Variants in CDC42BPB observed in about 807,000 individuals in gnomAD.
CDC42BPB encodes the protein CDC42 binding protein kinase beta, also known as serine/threonine-protein kinase MRCK beta.
In CDC42BPB, 37 loss-of-function variants were observed where a neutral mutation model predicts 214.9. The ratio of observed to expected loss-of-function variants is 0.17; its 90% CI spans 0.13 to 0.23. The LOEUF is 0.23. Ranked by LOEUF, CDC42BPB falls within the 10% of genes least tolerant of loss-of-function variation. CDC42BPB has a pLI of 1.00. For missense variants in CDC42BPB, 1,694 were observed against 2,227.0 expected, an observed-to-expected ratio of 0.76 and a Z score of 4.82; for synonymous variants, 931 against 884.0, an observed-to-expected ratio of 1.05 and a Z score of -0.94.
chr14:102,981,596 C>T (rs2139518587), intron 7 of CDC42BPB, among the ~76,000 whole-genome samples: 2 of 152,310 alleles, frequency 1.3e-5, no homozygotes, highest in East Asian at 3.9e-4. Context: ...GCCTGACCAA[C>T]AAGGTGAAAC....
intron 1 of CDC42BPB, among the ~76,000 whole-genome samples, chr14:103,025,672 G>A (rs960873940): frequency 6.6e-6 from 1 of 151,960 alleles, no homozygotes; most frequent in African/African-American, 2.4e-5. Flanking sequence ...ACAAAAATTA[G>A]CCAGGCGTGG....
Position 102,945,647 on chromosome 14 carries a change from G to A in CDC42BPB, c.3811+15C>T, listed in dbSNP as rs759299375. 43 of 1,610,988 alleles carry A rather than the reference G, an allele frequency of 2.7e-5. No homozygotes were observed. Among genetic ancestry groups the A allele is most frequent in the Admixed American group, 2.0e-4 (12 of 59,992 alleles). On this transcript the variant is annotated intron_variant, in intron 29 of 36. Transcript: ENST00000361246. Reference sequence around the variant, plus strand: ...GCCTGTGACATCCCAGGCTGGAAACGCCCTGCTCACTCACCATCTCGGGTG... The same window carrying A: ...GCCTGTGACATCCCAGGCTGGAAACACCCTGCTCACTCACCATCTCGGGTG...
rs562551309 is a variant in CDC42BPB, at chr14:102,933,761, C to T, written c.5087G>A (p.Arg1696Lys). The T allele has an allele frequency of 3.9e-5, 58 of 1,498,892 alleles. 1 individual carries two copies. In the South Asian group the frequency reaches 5.3e-4, roughly 14 times the overall value. The allele number at this position is 1,498,892 out of a possible 1,614,324, so 92.8% of individuals were successfully genotyped here. ...SGPPSPNSPH[R>K]SQLPLEGLEQ... ...CAGGCCTTCGAGGGGGAGCTGGCTCCTGTGGGGGGAGTTGGGGCTCGGTGG... is the reference window on the plus strand; with the variant it reads ...CAGGCCTTCGAGGGGGAGCTGGCTCTTGTGGGGGGAGTTGGGGCTCGGTGG... Residue 1696 changes from arginine (R) to lysine (K), a missense_variant, in exon 37 of 37, where the codon AGG becomes AAG. Physicochemically the swap from Arg to Lys is conservative, Grantham distance 26. Around this residue, in one of 7 missense-constraint regions of CDC42BPB, gnomAD observed 146 missense variants for 134.1 expected, o/e 1.09. Coordinates refer to ENST00000361246, the MANE Select transcript of CDC42BPB (RefSeq NM_006035.4).
chr14:102,937,379 C>T (rs1891687480), intron 36 of CDC42BPB, among the ~76,000 whole-genome samples: 1 of 152,254 alleles, frequency 6.6e-6, no homozygotes, highest in Non-Finnish European at 1.5e-5. Context: ...AGACGCTGAC[C>T]TTGGCAGAAC....
At chr14:102,955,948 C>T (rs773342849) in intron 21 of CDC42BPB, among the ~76,000 whole-genome samples, 7 of 152,226 alleles carry the variant, frequency 4.6e-5, no homozygotes, top group Non-Finnish European at 1.0e-4. Flanking sequence ...ATAAAACACA[C>T]ACACAACTGT....
In CDC42BPB at chr14:103,004,026, G is replaced by A. The variant is rs890982754; in HGVS notation, c.352-3C>T. ...CGCTCCTCTCGGAAGCACGCGGTCTGCAAAGCAACGAGGGGTGTCAGTCTG... is the reference window on the plus strand; with the variant it reads ...CGCTCCTCTCGGAAGCACGCGGTCTACAAAGCAACGAGGGGTGTCAGTCTG... On this transcript the variant is annotated splice_region_variant and splice_polypyrimidine_tract_variant and intron_variant, in intron 3 of 36. Coordinates refer to ENST00000361246, the MANE Select transcript of CDC42BPB (RefSeq NM_006035.4). This position sits in a 1 kb window ranked among gnomAD's most constrained non-coding sequence, Gnocchi z 5.3. 9.4e-6 allele frequency: 15 copies of A among 1,596,028 alleles called. No individual in the cohort carries two copies. Among genetic ancestry groups the A allele is most frequent in the African/African-American group, 1.3e-5 (1 of 74,766 alleles).
rs889223871 is a variant in CDC42BPB, at chr14:102,943,907, C to T, written c.4392G>A (p.Ala1464=). The T allele has an allele frequency of 5.6e-6, 9 of 1,608,988 alleles. No individual in the cohort carries two copies. Among genetic ancestry groups the T allele is most frequent in the South Asian group, 3.3e-5 (3 of 90,896 alleles). The part of the protein sequence containing the change: ...RARAQELMWP[A]APVACSCSPT... ...TATACATACTACAGGCGACAGGAGC[C>T]GCAGGCCACATGAGCTCCTGCGCGC... The change falls in exon 30 of 37, where the codon GCG becomes GCA. Residue 1464 remains alanine (A), a synonymous_variant. Transcript: ENST00000361246. This position sits in a 1 kb window ranked among gnomAD's most constrained non-coding sequence, Gnocchi z 4.6.
In CDC42BPB at chr14:102,943,947, T is replaced by C. The variant is rs1477118006; in HGVS notation, c.4352A>G (p.Gln1451Arg). 3 of 1,612,796 alleles carry C rather than the reference T, an allele frequency of 1.9e-6. No homozygotes were observed. The highest frequency in any genetic ancestry group is 1.7e-5 in the Admixed American group (1 of 60,024). ...CTCCTGCGCGCGTGCCCTCCGGCCT[T>C]GCGGGTCCACGTACAGTCCCATGTG... ...FSHMGLYVDP[Q>R]GRRARAQELM... Residue 1451 changes from glutamine to arginine, a missense_variant, in exon 30 of 37, where the codon CAA (glutamine) becomes CGA (arginine). By Grantham distance (43) the Gln-to-Arg change is conservative (BLOSUM62 1). Around this residue, in one of 7 missense-constraint regions of CDC42BPB, gnomAD observed 567 missense variants for 790.3 expected, o/e 0.72. Transcript: ENST00000361246. The surrounding 1 kb of genome is among the most constrained non-coding windows in gnomAD (Gnocchi z 4.6).
intron 11 of CDC42BPB, among the ~76,000 whole-genome samples, chr14:102,974,995 C>T (rs571183805): frequency 6.6e-6 from 1 of 152,204 alleles, no homozygotes; most frequent in East Asian, 1.9e-4. Flanking sequence ...TTTTAGGGAA[C>T]TTTGATAACC....
At chr14:103,035,036 G>C (rs984454396) in intron 1 of CDC42BPB, among the ~76,000 whole-genome samples, 30 of 151,664 alleles carry the variant, frequency 2.0e-4, no homozygotes, top group African/African-American at 7.3e-4. Context: ...CATTCAATAG[G>C]GGCAACTAGC....
intron 5 of CDC42BPB, 95 bp from the exon 6 acceptor site, chr14:102,986,675 T>C: frequency 1.3e-6 from 2 of 1,505,542 alleles, no homozygotes; most frequent in Non-Finnish European, 1.8e-6. Context: ...GAATAAATGC[T>C]AATATCCTCT....
intron 34 of CDC42BPB, among the ~76,000 whole-genome samples, chr14:102,939,094 A>G (rs1433359826): frequency 2.0e-5 from 3 of 151,562 alleles, no homozygotes; most frequent in African/African-American, 7.3e-5. Flanking sequence ...CTGCCGCCAC[A>G]CCCAGCTAAT....
intron 1 of CDC42BPB, among the ~76,000 whole-genome samples, chr14:103,042,535 C>G (rs1227659409): frequency 1.3e-5 from 2 of 152,190 alleles, no homozygotes; most frequent in African/African-American, 4.8e-5. Context: ...TGGTCTCCAT[C>G]TCCTGACCTC....
Position 103,001,171 on chromosome 14 carries a change from C to T in CDC42BPB, c.448-1458G>A, listed in dbSNP as rs1261280775. On this transcript the variant is annotated intron_variant, in intron 4 of 36. Transcript: ENST00000361246. The surrounding 1 kb of genome is among the most constrained non-coding windows in gnomAD (Gnocchi z 5.8). Reference sequence around the variant, plus strand: ...CCTCCCTGCCACCGCCAAGGGCAGCCCCAGCCTCCCCGCCCTGGCTCAGGC... The same window carrying T: ...CCTCCCTGCCACCGCCAAGGGCAGCTCCAGCCTCCCCGCCCTGGCTCAGGC... Among the ~76,000 whole-genome samples the T allele has an allele frequency of 6.6e-6, 1 of 152,146 alleles. No homozygotes were observed. The highest frequency in any genetic ancestry group is 1.9e-4 in the East Asian group (1 of 5,200).
chr14:103,056,789 G>A lies in CDC42BPB; in HGVS notation c.175+210C>T, dbSNP rs35203025. On this transcript the variant is annotated intron_variant, in intron 1 of 36. Coordinates refer to ENST00000361246, the MANE Select transcript of CDC42BPB (RefSeq NM_006035.4). The stretch of plus-strand genomic sequence containing the variant: ...GAGGGCAAGGAGGGATGAAAAGCTA[G>A]CGGAGGGACGAGGGTGCAAGGAGCG... Among the ~76,000 whole-genome samples the A allele has an allele frequency of 7.2e-5, 11 of 152,214 alleles. No individual in the cohort carries two copies. The East Asian group carries it at 2.1e-3, about 30-fold the overall frequency.
At chr14:103,027,991 G>A (rs373127398) in intron 1 of CDC42BPB, among the ~76,000 whole-genome samples, 13 of 152,192 alleles carry the variant, frequency 8.5e-5, no homozygotes, top group East Asian at 5.8e-4. Context: ...TTAGCCAGGC[G>A]TGGTGGTGCG....
Position 102,949,939 on chromosome 14 carries a change from C to G in CDC42BPB, c.3310-35G>C, listed in dbSNP as rs572981764. On this transcript the variant is annotated intron_variant, in intron 25 of 36. Coordinates refer to ENST00000361246, the MANE Select transcript of CDC42BPB (RefSeq NM_006035.4). Reference sequence around the variant, plus strand: ...AAAACAAACAGTGGCCACGTTCCACCAGGCCAGGCAGGCCGCCAGGCCCCA... The same window carrying G: ...AAAACAAACAGTGGCCACGTTCCACGAGGCCAGGCAGGCCGCCAGGCCCCA... The G allele has an allele frequency of 1.8e-5, 29 of 1,608,338 alleles. No homozygotes were observed. The Admixed American group carries it at 4.5e-4, about 25-fold the overall frequency.
intron 1 of CDC42BPB, among the ~76,000 whole-genome samples, chr14:103,036,048 T>C (rs1887644487): frequency 6.6e-6 from 1 of 151,838 alleles, no homozygotes; most frequent in Non-Finnish European, 1.5e-5. Context: ...CTACTGGGGA[T>C]GCTGAGGTGG....
chr14:102,949,786 G>A lies in CDC42BPB; in HGVS notation c.3428C>T (p.Ala1143Val), dbSNP rs1277468665. ...EGKSTQPGVIASQVLDLRDDE... is the reference protein window; with the variant it reads ...EGKSTQPGVIVSQVLDLRDDE... The stretch of plus-strand genomic sequence containing the variant: ...AGACCTGAGATCCAAGACTTGGCTC[G>A]CAATGACACCAGGCTGGGTGGATTT... Residue 1143 changes from alanine (A) to valine (V), a missense_variant, in exon 26 of 37, where the codon GCG becomes GTG. This residue lies in a region of CDC42BPB where 567 missense variants were observed against 790.3 expected (regional missense o/e 0.72). Coordinates refer to ENST00000361246, the MANE Select transcript of CDC42BPB (RefSeq NM_006035.4). 6 of 1,613,274 alleles carry A rather than the reference G, an allele frequency of 3.7e-6. No homozygotes were observed. The highest frequency in any genetic ancestry group is 1.3e-5 in the African/African-American group (1 of 74,938).
Sources: allele counts gnomAD v4.1 joint callset (sites outside exome capture counted in the v4.1 genomes callset), GRCh38; gene constraint gnomAD v4.1.1; regional missense constraint gnomAD v4.1.1; non-coding constraint Gnocchi (gnomAD v3.1); transcripts MANE v1.5; gene names NCBI Gene and HGNC (gene_info 2026-07-23, HGNC 2026-07-21).